Variants in ACLY observed in about 807,000 individuals in gnomAD.
ACLY encodes the protein ATP citrate lyase.
In ACLY, 41 loss-of-function variants were observed where a neutral mutation model predicts 133.0. That is an observed-to-expected ratio of 0.31 (90% CI 0.24 to 0.40). ACLY has a LOEUF of 0.40. ACLY is among the 10% of genes least tolerant of loss of function. ACLY has a pLI of 1.00. For missense variants in ACLY, 1,046 were observed against 1,453.8 expected (o/e 0.72, Z 4.56); for synonymous variants, 495 against 549.3 (o/e 0.90, Z 1.38).
chr17:41,901,686 C>G lies in ACLY; in HGVS notation c.1183+10G>C. The G allele has an allele frequency of 6.2e-7, 1 of 1,608,938 alleles. No homozygotes were observed. Among genetic ancestry groups the G allele is most frequent in the Non-Finnish European group, 8.5e-7 (1 of 1,176,450 alleles). On this transcript the variant is annotated intron_variant, in intron 11 of 28. Coordinates refer to ENST00000352035, the MANE Select transcript of ACLY (RefSeq NM_001096.3). ...CAGGGTGAGGGGGAGAGAAAAGGTCCTCATCTTACCGACTTCTCCCATCAC... is the reference window on the plus strand; with the variant it reads ...CAGGGTGAGGGGGAGAGAAAAGGTCGTCATCTTACCGACTTCTCCCATCAC...
At position 41,868,028 on chromosome 17, in the gene ACLY, T is replaced by C; in HGVS notation, c.3212-124A>G. On this transcript the variant is annotated intron_variant, in intron 28 of 28. Transcript: ENST00000352035. Reference sequence around the variant, plus strand: ...AGACACAAAGCAGTGGGAAGTTTAGTCCAAATCCACTGTATAGGTAGATGA... The same window carrying C: ...AGACACAAAGCAGTGGGAAGTTTAGCCCAAATCCACTGTATAGGTAGATGA... The C allele has an allele frequency of 6.6e-6, 4 of 610,262 alleles. No homozygotes were observed. In the South Asian group the frequency reaches 8.7e-5, roughly 13 times the overall value. The allele number at this position is 610,262 out of a possible 1,614,324, so 37.8% of individuals were successfully genotyped here.
At chr17:41,898,519 A>C in intron 12 of ACLY, 112 bp downstream of exon 12, 8 of 1,390,198 alleles carry the variant, frequency 5.8e-6, no homozygotes, top group Non-Finnish European at 7.7e-6. Flanking sequence ...ACCATGCACT[A>C]ACTCCCGCTG....
chr17:41,873,627 T>G (rs1391720368), intron 23 of ACLY, among the ~76,000 whole-genome samples, 184 bp downstream of exon 23: 1 of 152,186 alleles, frequency 6.6e-6, no homozygotes, highest in African/African-American at 2.4e-5. Flanking sequence ...GTGACTGGAC[T>G]TTCTGTCCTT....
chr17:41,929,080 G>A (rs2050278268), intron 1 of ACLY, among the ~76,000 whole-genome samples: 1 of 149,604 alleles, frequency 6.7e-6, no homozygotes, highest in South Asian at 2.1e-4. Context: ...TCCAGCCTTT[G>A]CACATGTTAT....
chr17:41,904,651 A>G (rs2049656164), intron 10 of ACLY, 78 bp downstream of exon 10: 4 of 1,426,332 alleles, frequency 2.8e-6, no homozygotes, highest in Non-Finnish European at 3.9e-6. Flanking sequence ...CTCTGGCTCA[A>G]ACTCTGCTTT....
At chr17:41,897,234 G>A (rs548361374) in intron 13 of ACLY, among the ~76,000 whole-genome samples, 18 of 152,182 alleles carry the variant, frequency 1.2e-4, no homozygotes, top group South Asian at 8.3e-4. Flanking sequence ...ACATCTACAC[G>A]GAGAGAAAAA....
intron 4 of ACLY, 22 bp downstream of exon 4, chr17:41,910,200 C>T: frequency 6.2e-7 from 1 of 1,610,936 alleles, no homozygotes; most frequent in South Asian, 1.1e-5. Flanking sequence ...GAAGACCCAG[C>T]CTGGAGCCGC....
intron 8 of ACLY, 78 bp from the exon 9 acceptor site, chr17:41,905,736 CG>C: frequency 2.5e-6 from 4 of 1,568,672 alleles, no homozygotes; most frequent in Non-Finnish European, 3.5e-6. Flanking sequence ...GGAGGACACA[CG>C]GATCCCTCAA....
chr17:41,877,982 A>T (rs2048807153), intron 22 of ACLY, 121 bp downstream of exon 22: 1 of 490,230 alleles, frequency 2.0e-6, no homozygotes, highest in Non-Finnish European at 3.5e-6. Context: ...CCTCTAAGAG[A>T]TCCCCGACTA....
intron 5 of ACLY, 118 bp from the exon 6 acceptor site, chr17:41,909,186 C>G (rs1002804968): frequency 1.9e-5 from 15 of 789,770 alleles, no homozygotes; most frequent in Non-Finnish European, 2.8e-5. Context: ...TAAACGCACC[C>G]CACTGGCCCT....
At chr17:41,872,912 G>A (rs1319518152) in intron 23 of ACLY, among the ~76,000 whole-genome samples, 1 of 152,142 alleles carries the variant, frequency 6.6e-6, no homozygotes, top group African/African-American at 2.4e-5. Flanking sequence ...GTTATAACCC[G>A]TGAACTTTTC....
At chr17:41,892,919 T>C in intron 15 of ACLY, 114 bp downstream of exon 15, 1 of 1,350,728 alleles carries the variant, frequency 7.4e-7, no homozygotes, top group Non-Finnish European at 1.0e-6. Flanking sequence ...GCTCAAGCAG[T>C]TCTCCCACCT....
intron 25 of ACLY, 101 bp downstream of exon 25, chr17:41,871,588 C>A (rs1555625033): frequency 1.4e-5 from 21 of 1,452,490 alleles, no homozygotes; most frequent in Non-Finnish European, 2.0e-5. Context: ...CTCCCGACCT[C>A]AAGTGATCCA....
intron 27 of ACLY, 23 bp from the exon 28 acceptor site, chr17:41,868,808 GT>G: frequency 6.2e-7 from 1 of 1,611,670 alleles, no homozygotes; most frequent in Non-Finnish European, 8.5e-7. Flanking sequence ...TCAACTTGTA[GT>G]TTTAAAAGGC....
At chr17:41,913,941 A>C in intron 1 of ACLY, 45 bp from the exon 2 acceptor site, 1 of 1,589,040 alleles carries the variant, frequency 6.3e-7, no homozygotes, top group Non-Finnish European at 8.6e-7. Flanking sequence ...AGGCGTGTGG[A>C]GGCACTATCT....
intron 1 of ACLY, among the ~76,000 whole-genome samples, chr17:41,916,498 T>G (rs2073419724): frequency 6.6e-6 from 1 of 151,544 alleles, no homozygotes; most frequent in Admixed American, 6.6e-5. Context: ...CGCAGCCTCC[T>G]GAGTAGCTGG....
At position 41,909,004 on chromosome 17, in the gene ACLY, C is replaced by A. The variant is rs782631257; in HGVS notation, c.601G>T (p.Glu201Ter). ...ACCCAGTTACCAAGGGGATTGATCT[C>A]GAGGTAGGTGAAGTACAAGTCCTCG... Reference protein sequence around the residue: ...FYEDLYFTYLEINPLVVTKDG... With the variant: ...FYEDLYFTYL Residue 201 changes from glutamate (E) to a stop codon, truncating the protein, a stop_gained, in exon 6 of 29, where the codon GAG becomes TAG. Coordinates refer to ENST00000352035, the MANE Select transcript of ACLY (RefSeq NM_001096.3). LOFTEE classifies it high-confidence loss of function. 1 of 1,613,236 alleles carries A rather than the reference C, an allele frequency of 6.2e-7. No homozygotes were observed. The highest frequency in any genetic ancestry group is 8.5e-7 in the Non-Finnish European group (1 of 1,179,762).
intron 1 of ACLY, among the ~76,000 whole-genome samples, chr17:41,924,095 C>G (rs1555635738): frequency 6.6e-6 from 1 of 151,962 alleles, no homozygotes; most frequent in Non-Finnish European, 1.5e-5. Context: ...AGGTGTGAGC[C>G]ACCACGCCCG....
In ACLY at chr17:41,905,575, T is replaced by C. The variant is rs781840192; in HGVS notation, c.950A>G (p.Tyr317Cys). The C allele has an allele frequency of 3.7e-6, 6 of 1,614,066 alleles. No individual in the cohort carries two copies. In the Admixed American group the frequency reaches 8.3e-5, roughly 22 times the overall value. ...YSGAPSEQQT[Y>C]DYAKTILSLM... ...GGAGAGGATAGTCTTGGCATAGTCA[T>C]AGGTCTGCTGCTCGCTGGGGGCGCC... Residue 317 changes from tyrosine (Y) to cysteine (C), a missense_variant, in exon 9 of 29, where the codon TAT (tyrosine) becomes TGT (cysteine). Physicochemically the swap from Tyr to Cys is radical, Grantham distance 194. Around this residue, in one of 4 missense-constraint regions of ACLY, gnomAD observed 575 missense variants for 804.2 expected, o/e 0.71. Transcript: ENST00000352035.
Sources: gnomAD v4.1 joint callset for allele counts (sites outside exome capture counted in the v4.1 genomes callset) on GRCh38, gnomAD v4.1.1 for gene constraint, gnomAD v4.1.1 regional missense constraint, MANE v1.5 for transcripts, NCBI Gene and HGNC (gene_info 2026-07-23, HGNC 2026-07-21) for gene names.